Variants in FOXP1 observed in about 807,000 individuals in gnomAD.
FOXP1 encodes the protein forkhead box protein P1.
A neutral mutation model predicts 98.2 loss-of-function variants in FOXP1; 15 were observed. The observed-to-expected ratio is 0.15, with a 90% confidence interval of 0.10 to 0.24. The LOEUF (loss-of-function observed/expected upper bound fraction) is 0.24. Ranked by LOEUF, FOXP1 falls within the 10% of genes least tolerant of loss-of-function variation. FOXP1 has a pLI of 1.00. For synonymous variants in FOXP1, 371 were observed against 314.5 expected (o/e 1.18, Z -1.90); for missense variants, 633 against 848.5 (o/e 0.75, Z 3.15).
At chr3:71,580,351 AT>A (rs2048068095) in intron 2 of FOXP1, among the ~76,000 whole-genome samples, 1 of 149,732 alleles carries the variant, frequency 6.7e-6, no homozygotes, top group South Asian at 2.1e-4. Context: ...CCTTTTTTAT[AT>A]TTTTCTTGCT....
At chr3:71,253,781 C>T (rs557427421) in intron 5 of FOXP1, among the ~76,000 whole-genome samples, 10 of 151,984 alleles carry the variant, frequency 6.6e-5, no homozygotes, top group South Asian at 4.1e-4. Context: ...ATAATAAATA[C>T]GCCAAATGAA....
At chr3:71,292,447 AC>A (rs1351867338) in intron 5 of FOXP1, 3 of 151,962 alleles carry the variant, frequency 2.0e-5, no homozygotes, top group African/African-American at 7.3e-5. Flanking sequence ...CAATTCTCTC[AC>A]CTCAGCTTCC....
intron 7 of FOXP1, among the ~76,000 whole-genome samples, chr3:71,073,868 T>G (rs895844464): frequency 6.6e-6 from 1 of 152,136 alleles, no homozygotes; most frequent in Non-Finnish European, 1.5e-5. Flanking sequence ...TCTCTTGCAT[T>G]AGGGACCCTC....
At chr3:71,372,588 T>C (rs1012429062) in intron 3 of FOXP1, among the ~76,000 whole-genome samples, 2 of 152,208 alleles carry the variant, frequency 1.3e-5, no homozygotes, top group Admixed American at 1.3e-4. Flanking sequence ...GTCTGTTTCC[T>C]GCCTTGCTAT....
chr3:71,484,722 A>C (rs1577773479), intron 3 of FOXP1, among the ~76,000 whole-genome samples: 1 of 151,594 alleles, frequency 6.6e-6, no homozygotes, highest in South Asian at 2.1e-4. Context: ...CAGAGACCAC[A>C]CTCTCCCTAA....
intron 2 of FOXP1, among the ~76,000 whole-genome samples, chr3:71,524,147 T>C (rs1255775247): frequency 6.6e-6 from 1 of 152,046 alleles, no homozygotes; most frequent in Non-Finnish European, 1.5e-5. Flanking sequence ...CCCCAACAAA[T>C]GTTTAAAAGA....
intron 13 of FOXP1, among the ~76,000 whole-genome samples, chr3:70,996,612 A>C (rs887876057): frequency 6.6e-5 from 10 of 152,314 alleles, no homozygotes; most frequent in Admixed American, 4.6e-4. Flanking sequence ...TCTGGGGTTT[A>C]GATTCAAGGA....
chr3:71,503,557 T>C (rs1206070934), intron 2 of FOXP1, among the ~76,000 whole-genome samples: 1 of 129,462 alleles, frequency 7.7e-6, no homozygotes. Flanking sequence ...GCCAAGATAG[T>C]GCCATTGCAC....
In FOXP1 at chr3:70,957,271, AG is replaced by A. The variant is rs1575640402; in HGVS notation, c.*1975del. 1 of 226,032 alleles carries A rather than the reference AG, an allele frequency of 4.4e-6. No homozygotes were observed. Among genetic ancestry groups the A allele is most frequent in the East Asian group, 6.5e-5 (1 of 15,424 alleles). 14.0% of individuals were successfully genotyped at this position (226,032 alleles called of 1,614,324 possible). On this transcript the variant is annotated 3_prime_UTR_variant, in exon 21 of 21. Coordinates refer to ENST00000649528, the MANE Select transcript of FOXP1 (RefSeq NM_001349338.3). ...AGAGAATGAGTTTTGGTCTCTGTAG[AG>A]GTACACAAAAAGAAAAAGGAAAAAT...
chr3:71,337,274 T>A (rs2076742214), intron 4 of FOXP1, among the ~76,000 whole-genome samples: 1 of 152,182 alleles, frequency 6.6e-6, no homozygotes, highest in African/African-American at 2.4e-5. Flanking sequence ...TATATACAAA[T>A]ACATATATAT....
At chr3:71,179,301 T>A (rs2062143875) in intron 6 of FOXP1, among the ~76,000 whole-genome samples, 2 of 151,878 alleles carry the variant, frequency 1.3e-5, no homozygotes, top group Admixed American at 1.3e-4. Context: ...GCTAATTTTT[T>A]TGTATTTTTA....
intron 3 of FOXP1, among the ~76,000 whole-genome samples, chr3:71,451,242 C>T (rs1232030770): frequency 1.3e-5 from 2 of 152,180 alleles, no homozygotes; most frequent in Non-Finnish European, 2.9e-5. Context: ...ACTGGCCGGC[C>T]AGAAAGACTG....
intron 6 of FOXP1, among the ~76,000 whole-genome samples, chr3:71,167,640 T>A (rs1394290381): frequency 6.6e-6 from 1 of 152,178 alleles, no homozygotes; most frequent in Non-Finnish European, 1.5e-5. Context: ...CCCAAGAAAG[T>A]CTTAAGAGGA....
At position 71,011,229 on chromosome 3, in the gene FOXP1, C is replaced by G. The variant is rs181614611; in HGVS notation, c.974+4320G>C. Among the ~76,000 whole-genome samples, 635 of 152,240 alleles carry G rather than the reference C, an allele frequency of 4.2e-3. 6 individuals are homozygous for G. The highest frequency in any genetic ancestry group is 5.7e-3 in the Non-Finnish European group (387 of 68,002). ...AATATTCATTTTTACATTCTTGAAG[C>G]AACTTTCTCATCCCCAGCCCCCATG... On this transcript the variant is annotated intron_variant, in intron 12 of 20. Transcript: ENST00000649528.
At chr3:71,488,496 A>G (rs986894505) in intron 3 of FOXP1, among the ~76,000 whole-genome samples, 1 of 152,166 alleles carries the variant, frequency 6.6e-6, no homozygotes, top group Non-Finnish European at 1.5e-5. Flanking sequence ...ACTGTCTCTC[A>G]CCATCCTGAA....
intron 5 of FOXP1, among the ~76,000 whole-genome samples, chr3:71,223,155 T>C (rs796639887): frequency 7.2e-5 from 11 of 152,304 alleles, no homozygotes; most frequent in African/African-American, 2.6e-4. Flanking sequence ...TCCCCCATTC[T>C]AAAAAGAGTC....
chr3:71,046,083 C>T (rs1049014303), intron 10 of FOXP1, among the ~76,000 whole-genome samples: 6 of 152,092 alleles, frequency 3.9e-5, no homozygotes, highest in Admixed American at 1.3e-4. Context: ...CCTGCCTGTC[C>T]GCCCTCCCTC....
chr3:71,426,380 T>C lies in FOXP1; in HGVS notation c.-168+67046A>G, dbSNP rs1167278929. ...AAGGACCATGGAAACGTATGGTATA[T>C]AGTCACTGCCCTCAAAGAATTCAGG... On this transcript the variant is annotated intron_variant, in intron 3 of 20. Transcript: ENST00000649528. Among the ~76,000 whole-genome samples, 5 of 152,180 alleles carry C rather than the reference T, an allele frequency of 3.3e-5. No homozygotes were observed. The South Asian group carries it at 6.2e-4, about 19-fold the overall frequency.
At chr3:71,060,234 G>A (rs1034954079) in intron 7 of FOXP1, among the ~76,000 whole-genome samples, 3 of 152,088 alleles carry the variant, frequency 2.0e-5, no homozygotes, top group Non-Finnish European at 4.4e-5. Flanking sequence ...TACTTAGGGT[G>A]CAATCACTCT....
Sources: allele counts gnomAD v4.1 joint callset (sites outside exome capture counted in the v4.1 genomes callset), GRCh38; gene constraint gnomAD v4.1.1; transcripts MANE v1.5; gene names NCBI Gene and HGNC (gene_info 2026-07-23, HGNC 2026-07-21).